The following ACSBG2 variants were observed in gnomAD, a reference collection of about 807,000 sequenced individuals.
The protein encoded by ACSBG2 is acyl-CoA synthetase bubblegum family member 2, also known as long-chain-fatty-acid--CoA ligase ACSBG2.
ACSBG2 carries 62 observed loss-of-function variants against 74.7 expected under a neutral mutation model. The ratio of observed to expected loss-of-function variants is 0.83; its 90% CI spans 0.68 to 1.03. The LOEUF is 1.03. Ranked by LOEUF, ACSBG2 falls within the 50% of genes least tolerant of loss-of-function variation. The probability of loss-of-function intolerance (pLI) is 0.00; values close to 1 mark genes in which losing one functional copy is unlikely to be tolerated. For missense variants in ACSBG2, 730 were observed against 817.6 expected, an observed-to-expected ratio of 0.89 and a Z score of 1.31; for synonymous variants, 309 against 294.1, an observed-to-expected ratio of 1.05 and a Z score of -0.52.
chr19:6,165,656 A>C (rs1173487648), intron 6 of ACSBG2, among the ~76,000 whole-genome samples: 5 of 152,172 alleles, frequency 3.3e-5, no homozygotes. Context: ...AGGCACAGGG[A>C]GCTTAAGTGG....
Position 6,190,571 on chromosome 19 carries a change from C to G in ACSBG2, c.1928-13C>G, listed in dbSNP as rs1221679455. 6.2e-7 allele frequency: 1 copy of G among 1,611,946 alleles called. No individual in the cohort carries two copies. The highest frequency in any genetic ancestry group is 8.5e-7 in the Non-Finnish European group (1 of 1,178,144). ...TATCTCCACAACTCAATTGATTTCT[C>G]CTTTCTCGATAGGTCCAATGATGAA... On this transcript the variant is annotated splice_polypyrimidine_tract_variant and intron_variant, in intron 13 of 14. Transcript: ENST00000588485.
Position 6,147,473 on chromosome 19 carries a change from G to A in ACSBG2, c.95G>A (p.Arg32Gln), listed in dbSNP as rs751364914. 21 of 1,614,040 alleles carry A rather than the reference G, an allele frequency of 1.3e-5. No individual in the cohort carries two copies. The highest frequency in any genetic ancestry group is 4.0e-5 in the African/African-American group (3 of 74,910). ...EVTPRLWTTCRDGEVLLRLSK... is the reference protein window; with the variant it reads ...EVTPRLWTTCQDGEVLLRLSK... ...ACTCCCAGGCTGTGGACCACCTGTCGAGATGGAGAAGTCCTTCTGAGGCTA... is the reference window on the plus strand; with the variant it reads ...ACTCCCAGGCTGTGGACCACCTGTCAAGATGGAGAAGTCCTTCTGAGGCTA... The change falls in exon 3 of 15, where the codon CGA becomes CAA. Residue 32 changes from arginine (R) to glutamine (Q), a missense_variant. Transcript: ENST00000588485.
intron 6 of ACSBG2, among the ~76,000 whole-genome samples, chr19:6,163,650 A>C (rs962524199): frequency 1.3e-5 from 2 of 151,618 alleles, no homozygotes; most frequent in African/African-American, 4.8e-5. Flanking sequence ...CTGAGAGAGG[A>C]GAATCACTTG....
At chr19:6,140,233 A>AAAG (rs1362390908) in intron 1 of ACSBG2, among the ~76,000 whole-genome samples, 1 of 151,128 alleles carries the variant, frequency 6.6e-6, no homozygotes, top group East Asian at 2.0e-4. Flanking sequence ...TCAAAAAAAA[A>AAAG]AAAAAAGGAA....
intron 7 of ACSBG2, among the ~76,000 whole-genome samples, chr19:6,171,607 A>G (rs949767185): frequency 6.6e-6 from 1 of 151,932 alleles, no homozygotes; most frequent in Non-Finnish European, 1.5e-5. Context: ...AATTTCCTTT[A>G]TATGTAATTT....
intron 4 of ACSBG2, among the ~76,000 whole-genome samples, chr19:6,156,217 C>T (rs1056901246): frequency 6.6e-6 from 1 of 152,132 alleles, no homozygotes; most frequent in African/African-American, 2.4e-5. Flanking sequence ...TGTTCCATGA[C>T]CTGTTGTCAT....
chr19:6,187,480 G>A, intron 12 of ACSBG2, 58 bp downstream of exon 12: 1 of 1,606,540 alleles, frequency 6.2e-7, no homozygotes, highest in Non-Finnish European at 8.5e-7. Context: ...GGGTTCCCTG[G>A]CCCCACCCCA....
At chr19:6,155,808 ATG>A (rs1191294551) in intron 4 of ACSBG2, among the ~76,000 whole-genome samples, 1 of 148,078 alleles carries the variant, frequency 6.8e-6, no homozygotes, top group East Asian at 1.9e-4. Flanking sequence ...AAAAAAAAAA[ATG>A]GTGAACAGGC....
chr19:6,188,177 T>C (rs2090461206), intron 13 of ACSBG2, among the ~76,000 whole-genome samples: 1 of 152,168 alleles, frequency 6.6e-6, no homozygotes, highest in South Asian at 2.1e-4. Context: ...TCCCTGGGAA[T>C]ACCCTTCCCC....
At chr19:6,190,494 C>T (rs538087922) in intron 13 of ACSBG2, 90 bp from the exon 14 acceptor site, 40 of 1,149,364 alleles carry the variant, frequency 3.5e-5, no homozygotes, top group Middle Eastern at 2.0e-4. Context: ...AGCCTAGCCC[C>T]AGGCATGGGA....
At chr19:6,178,489 C>A (rs1245059320) in intron 8 of ACSBG2, among the ~76,000 whole-genome samples, 4 of 152,088 alleles carry the variant, frequency 2.6e-5, no homozygotes, top group Admixed American at 6.6e-5. Context: ...TCAAGCAATT[C>A]TCGTGCCTTA....
intron 5 of ACSBG2, among the ~76,000 whole-genome samples, chr19:6,158,080 G>A (rs1600061544): frequency 6.9e-6 from 1 of 144,724 alleles, no homozygotes; most frequent in Admixed American, 7.1e-5. Flanking sequence ...TTTTGAGACA[G>A]AGTCTCGCTC....
intron 1 of ACSBG2, among the ~76,000 whole-genome samples, chr19:6,139,476 C>A (rs1282700764): frequency 6.6e-6 from 1 of 152,186 alleles, no homozygotes; most frequent in African/African-American, 2.4e-5. Context: ...GAATCACGTG[C>A]ATGTTACAGG....
intron 7 of ACSBG2, chr19:6,176,495 AACACAC>A: frequency 5.3e-6 from 5 of 948,734 alleles, no homozygotes; most frequent in Non-Finnish European, 7.4e-6. Flanking sequence ...ATGAAAAAAC[AACACAC>A]ACACACACAC....
intron 10 of ACSBG2, 101 bp downstream of exon 10, chr19:6,183,373 C>T (rs933110960): frequency 8.3e-6 from 8 of 958,630 alleles, no homozygotes; most frequent in Middle Eastern, 3.0e-4. Flanking sequence ...GGAATCCTGA[C>T]GTGGTGTCTC....
chr19:6,184,848 A>C (rs1568254613), intron 10 of ACSBG2, among the ~76,000 whole-genome samples: 2 of 127,992 alleles, frequency 1.6e-5, no homozygotes, highest in Non-Finnish European at 3.1e-5. Context: ...AAAAAAAAAA[A>C]AAAAAAAAAA....
At chr19:6,158,955 T>G (rs558849061) in intron 5 of ACSBG2, among the ~76,000 whole-genome samples, 101 of 152,228 alleles carry the variant, frequency 6.6e-4, no homozygotes, top group African/African-American at 2.3e-3. Flanking sequence ...CTTTTCTTTT[T>G]TTGTTTGTTT....
chr19:6,156,314 G>A, intron 4 of ACSBG2, 117 bp from the exon 5 acceptor site: 1 of 1,117,288 alleles, frequency 9.0e-7, no homozygotes, highest in Non-Finnish European at 1.2e-6. Context: ...GGAAGCTGGT[G>A]CTGTGGCTGC....
chr19:6,155,762 C>T (rs561712693), intron 4 of ACSBG2, among the ~76,000 whole-genome samples: 1 of 144,018 alleles, frequency 6.9e-6, no homozygotes, highest in African/African-American at 2.6e-5. Flanking sequence ...TGCAGGCCAG[C>T]CTGGGTGACC....
Sources: allele counts gnomAD v4.1 joint callset (sites outside exome capture counted in the v4.1 genomes callset), GRCh38; gene constraint gnomAD v4.1.1; transcripts MANE v1.5; gene names NCBI Gene and HGNC (gene_info 2026-07-23, HGNC 2026-07-21).